LHFPL4: variants seen among roughly 807,000 people sequenced by gnomAD.
The protein encoded by LHFPL4 is LHFPL tetraspan subfamily member 4.
A neutral mutation model predicts 20.0 loss-of-function variants in LHFPL4; 6 were observed. The observed-to-expected ratio is 0.30, with a 90% CI of 0.16 to 0.59. LHFPL4 has a LOEUF of 0.59. Among genes scored for constraint, LHFPL4 ranks in the 20% least tolerant of loss-of-function variants. LHFPL4 has a pLI of 0.88. For synonymous variants in LHFPL4, 129 were observed against 143.8 expected, an observed-to-expected ratio of 0.90 and a Z score of 0.74; for missense variants, 215 against 331.2, an observed-to-expected ratio of 0.65 and a Z score of 2.72.
chr3:9,524,748 C>T (rs116679757), intron 2 of LHFPL4, among the ~76,000 whole-genome samples: 260 of 152,242 alleles, frequency 1.7e-3, no homozygotes, highest in Non-Finnish European at 2.6e-3. Context: ...ATAATTGAGC[C>T]GGGTTCACAT....
At position 9,530,781 on chromosome 3, in the gene LHFPL4, G is replaced by A. The variant is rs114396959; in HGVS notation, c.406+21493C>T. 1.7e-3 allele frequency among the ~76,000 whole-genome samples: 245 copies of A among 148,314 alleles called. 3 individuals are homozygous for A. The highest frequency in any genetic ancestry group is 5.6e-3 in the African/African-American group (232 of 41,074). On this transcript the variant is annotated intron_variant, in intron 2 of 3. Transcript: ENST00000287585. ...TATTTATTTATTTACTTATTTTTTAGAGACAGAGTCTTACTATGTTGCCCA... is the reference window on the plus strand; with the variant it reads ...TATTTATTTATTTACTTATTTTTTAAAGACAGAGTCTTACTATGTTGCCCA...
At chr3:9,502,377 C>A in intron 3 of LHFPL4, 66 bp from the exon 4 acceptor site, 1 of 1,241,130 alleles carries the variant, frequency 8.1e-7, no homozygotes, top group Non-Finnish European at 1.2e-6. Context: ...CCTGGGCATT[C>A]AGGCTTTCCT....
chr3:9,543,345 C>T (rs1169646830), intron 2 of LHFPL4, among the ~76,000 whole-genome samples: 1 of 151,770 alleles, frequency 6.6e-6, no homozygotes, highest in Admixed American at 6.6e-5. Flanking sequence ...ACTAAAAATA[C>T]AAAAAATTAG....
rs550580684 is a variant in LHFPL4, at chr3:9,506,121, C to T, written c.489G>A (p.Thr163=). The change falls in exon 3 of 4, where the codon ACG becomes ACA. Residue 163 remains threonine, a synonymous_variant. Transcript: ENST00000287585. The surrounding 1 kb of genome is among the most constrained non-coding windows in gnomAD (Gnocchi z 4.5). The part of the protein sequence containing the change: ...ETIRDMCGAK[T]GKYSLGDCSV... ...AACAGTCCCCCAGGGAGTACTTCCC[C>T]GTCTTGGCCCCACACATGTCCCGGA... The T allele has an allele frequency of 1.3e-4, 204 of 1,614,178 alleles. 2 individuals carry two copies. In the South Asian group the frequency reaches 1.8e-3, roughly 14 times the overall value.
At chr3:9,537,075 G>A (rs890840728) in intron 2 of LHFPL4, among the ~76,000 whole-genome samples, 3 of 152,076 alleles carry the variant, frequency 2.0e-5, no homozygotes, top group African/African-American at 7.2e-5. Flanking sequence ...AACAGAGCAA[G>A]ACCCTGTCTC....
At chr3:9,517,492 C>A (rs1383707209) in intron 2 of LHFPL4, among the ~76,000 whole-genome samples, 1 of 150,792 alleles carries the variant, frequency 6.6e-6, no homozygotes, top group Admixed American at 6.6e-5. Context: ...TTGTGTTTTT[C>A]ATTTCACTTT....
rs775927253 is a variant in LHFPL4, at chr3:9,552,540, A to G, written c.140T>C (p.Val47Ala). ...CTTGGGGGTGCTCACGCTGTCGCCC[A>G]CCCAGTAGGGCTGGATGAAGACCAC... ...NVVVFIQPYW[V>A]GDSVSTPKPG... The change falls in exon 2 of 4, where the codon GTG becomes GCG. Residue 47 changes from valine to alanine, a missense_variant. Physicochemically the swap from Val to Ala is moderately conservative, Grantham distance 64. Coordinates refer to ENST00000287585, the MANE Select transcript of LHFPL4 (RefSeq NM_198560.3). 1 of 1,613,924 alleles carries G rather than the reference A, an allele frequency of 6.2e-7. No individual in the cohort carries two copies. The highest frequency in any genetic ancestry group is 8.5e-7 in the Non-Finnish European group (1 of 1,179,966).
chr3:9,527,257 A>G (rs375341882), intron 2 of LHFPL4, among the ~76,000 whole-genome samples: 67 of 152,246 alleles, frequency 4.4e-4, no homozygotes, highest in African/African-American at 1.4e-3. Flanking sequence ...ATATTCATAT[A>G]TTACTTGTGA....
intron 2 of LHFPL4, among the ~76,000 whole-genome samples, chr3:9,516,448 G>A (rs949616478): frequency 9.9e-5 from 15 of 151,562 alleles, no homozygotes; most frequent in Non-Finnish European, 5.9e-5. Flanking sequence ...CAATTTGCCC[G>A]TTCTTTCACC....
At chr3:9,543,445 A>G (rs2046490724) in intron 2 of LHFPL4, among the ~76,000 whole-genome samples, 3 of 151,776 alleles carry the variant, frequency 2.0e-5, no homozygotes, top group East Asian at 2.0e-4. Context: ...GCTTGCAGTG[A>G]GCCGAGATCG....
chr3:9,536,315 TA>T (rs1177835833), intron 2 of LHFPL4, among the ~76,000 whole-genome samples: 1 of 152,184 alleles, frequency 6.6e-6, no homozygotes, highest in African/African-American at 2.4e-5. Flanking sequence ...CTTCTCCTTT[TA>T]AAATCTGAGA....
intron 2 of LHFPL4, among the ~76,000 whole-genome samples, chr3:9,535,193 C>G (rs897885470): frequency 2.0e-5 from 3 of 152,202 alleles, no homozygotes; most frequent in Non-Finnish European, 4.4e-5. Context: ...AACATAATTT[C>G]TTTTTGGGAA....
chr3:9,538,593 A>T (rs2046457746), intron 2 of LHFPL4, among the ~76,000 whole-genome samples: 1 of 152,098 alleles, frequency 6.6e-6, no homozygotes, highest in African/African-American at 2.4e-5. Flanking sequence ...AGTTATTATT[A>T]TTGTCCCCAT....
In LHFPL4 at chr3:9,504,895, G is replaced by A. The variant is rs548139124; in HGVS notation, c.643+1072C>T. Among the ~76,000 whole-genome samples, 70 of 150,074 alleles carry A rather than the reference G, an allele frequency of 4.7e-4. No homozygotes were observed. In the South Asian group the frequency reaches 0.011, roughly 23 times the overall value. ...ACATTGCTTAGTTTTGCTTACTTTC[G>A]AGCTCAATAAATATATCACTCTGTC... On this transcript the variant is annotated intron_variant, in intron 3 of 3. Coordinates refer to ENST00000287585, the MANE Select transcript of LHFPL4 (RefSeq NM_198560.3).
chr3:9,505,274 CTT>C (rs35722898), intron 3 of LHFPL4, among the ~76,000 whole-genome samples: 82 of 144,936 alleles, frequency 5.7e-4, no homozygotes, highest in Admixed American at 5.5e-4. Context: ...TCTTTTCTTT[CTT>C]TTTTTTTTTT....
At chr3:9,516,273 A>T (rs1471839813) in intron 2 of LHFPL4, among the ~76,000 whole-genome samples, 2 of 151,702 alleles carry the variant, frequency 1.3e-5, no homozygotes. Context: ...GTCTATGTCC[A>T]TATTATTATT....
chr3:9,502,130 A>G lies in LHFPL4; in HGVS notation c.*81T>C, dbSNP rs1000147070. 1.5e-5 allele frequency: 15 copies of G among 1,003,264 alleles called. No homozygotes were observed. The highest frequency in any genetic ancestry group is 2.2e-5 in the Non-Finnish European group (14 of 634,608). 62.1% of individuals were successfully genotyped at this position (1,003,264 alleles called of 1,614,324 possible). A position where few individuals can be genotyped will look rare whatever the true frequency, so the allele number is the denominator to read the frequency against. ...AAGTCTGAGATCAGGGTCTTCCCTCAGAGCTTGAATGGAGTGACGAGAGGG... is the reference window on the plus strand; with the variant it reads ...AAGTCTGAGATCAGGGTCTTCCCTCGGAGCTTGAATGGAGTGACGAGAGGG... On this transcript the variant is annotated 3_prime_UTR_variant, in exon 4 of 4. Coordinates refer to ENST00000287585, the MANE Select transcript of LHFPL4 (RefSeq NM_198560.3).
intron 1 of LHFPL4, 67 bp downstream of exon 1, chr3:9,553,613 GGCGGC>G (rs1274894265): frequency 2.0e-4 from 30 of 151,478 alleles, no homozygotes; most frequent in African/African-American, 7.2e-4. Context: ...GGGTTGGGGG[GGCGGC>G]TGCCCCGCGC....
chr3:9,539,964 G>C (rs1164352466), intron 2 of LHFPL4, among the ~76,000 whole-genome samples: 1 of 152,160 alleles, frequency 6.6e-6, no homozygotes, highest in Non-Finnish European at 1.5e-5. Flanking sequence ...CAGTTAACAA[G>C]GACATGGAGG....
Sources: allele counts gnomAD v4.1 joint callset (sites outside exome capture counted in the v4.1 genomes callset), GRCh38; gene constraint gnomAD v4.1.1; non-coding constraint Gnocchi (gnomAD v3.1); transcripts MANE v1.5; gene names NCBI Gene and HGNC (gene_info 2026-07-23, HGNC 2026-07-21).